The following ABR variants were observed in gnomAD, a reference collection of about 807,000 sequenced individuals.
The protein encoded by ABR is active breakpoint cluster region-related protein.
In ABR, 35 loss-of-function variants were observed where a neutral mutation model predicts 107.2. That is an observed-to-expected ratio of 0.33 (90% CI 0.25 to 0.43). The LOEUF is 0.43. Among genes scored for constraint, ABR ranks in the 20% least tolerant of loss-of-function variants. The pLI is 1.00. For missense variants in ABR, 815 were observed against 1,115.2 expected (o/e 0.73, Z 3.83); for synonymous variants, 498 against 462.0 (o/e 1.08, Z -1.00).
Position 1,129,107 on chromosome 17 carries a change from ATCT to A in ABR, c.62-3743_62-3741del, listed in dbSNP as rs931581701. On this transcript the variant is annotated intron_variant, in intron 1 of 22. Coordinates refer to ENST00000302538, the MANE Select transcript of ABR (RefSeq NM_021962.5). Reference sequence around the variant, plus strand: ...CGTCCTTCTCAGGCTCCTTGGTGAAATCTTCTTTCTCTACCCATCCCTTAAAAA... The same window carrying A: ...CGTCCTTCTCAGGCTCCTTGGTGAAATCTTTCTCTACCCATCCCTTAAAAA... Among the ~76,000 whole-genome samples, 4 of 152,204 alleles carry A rather than the reference ATCT, an allele frequency of 2.6e-5. 1 individual carries two copies. Among genetic ancestry groups the A allele is most frequent in the African/African-American group, 2.4e-5 (1 of 41,508 alleles).
At chr17:1,044,015 G>A (rs1424822782) in intron 16 of ABR, among the ~76,000 whole-genome samples, 1 of 152,238 alleles carries the variant, frequency 6.6e-6, no homozygotes, top group Non-Finnish European at 1.5e-5. Context: ...GGCCCCAAGG[G>A]AAAGCGCTCT....
chr17:1,026,649 G>T (rs947539972), intron 16 of ABR, among the ~76,000 whole-genome samples: 1 of 152,304 alleles, frequency 6.6e-6, no homozygotes, highest in Non-Finnish European at 1.5e-5. Flanking sequence ...CAGGACTGAC[G>T]CTGCGTTTCT....
chr17:1,009,260 G>A (rs1269318759), intron 21 of ABR, among the ~76,000 whole-genome samples: 1 of 76,200 alleles, frequency 1.3e-5, no homozygotes, highest in Non-Finnish European at 2.5e-5. Context: ...ACCCCCCACT[G>A]CTGTCCACCC....
intron 10 of ABR, among the ~76,000 whole-genome samples, chr17:1,059,327 C>A (rs1040578983): frequency 6.6e-6 from 1 of 152,230 alleles, no homozygotes; most frequent in Non-Finnish European, 1.5e-5. Flanking sequence ...TCTTTCCATT[C>A]CTGCCTCCTG....
intron 1 of ABR, among the ~76,000 whole-genome samples, chr17:1,226,613 GGT>G (rs963467355): frequency 4.0e-5 from 6 of 151,616 alleles, no homozygotes; most frequent in African/African-American, 7.3e-5. Flanking sequence ...TACATATGCA[GGT>G]GTGTGTGCAT....
At chr17:1,189,248 A>G (rs956244485), upstream of ABR, among the ~76,000 whole-genome samples, 1 of 152,180 alleles carries the variant, frequency 6.6e-6, no homozygotes, top group African/African-American at 2.4e-5. Context: ...ATTAGAGGAA[A>G]GAGTTTCCCA....
Position 1,004,840 on chromosome 17 carries a change from G to A in ABR, c.*1240C>T, listed in dbSNP as rs528385293. 5 of 393,016 alleles carry A rather than the reference G, an allele frequency of 1.3e-5. No individual in the cohort carries two copies. Among genetic ancestry groups the A allele is most frequent in the African/African-American group, 4.1e-5 (2 of 48,542 alleles). 24.3% of individuals were successfully genotyped at this position (393,016 alleles called of 1,614,324 possible). A position where few individuals can be genotyped will look rare whatever the true frequency, so the allele number is the denominator to read the frequency against. On this transcript the variant is annotated 3_prime_UTR_variant, in exon 23 of 23. Coordinates refer to ENST00000302538, the MANE Select transcript of ABR (RefSeq NM_021962.5). The stretch of plus-strand genomic sequence containing the variant: ...GGCGGCACCACAATGGCTGGCCACC[G>A]TGGGCCTGTGCCTTTGCTTCCCAGG...
Position 1,076,645 on chromosome 17 carries a change from C to T in ABR, c.700+2685G>A, listed in dbSNP as rs569204151. On this transcript the variant is annotated intron_variant, in intron 6 of 22. Transcript: ENST00000302538. ...GAGGGGTTATTAACATGTCTGTGGT[C>T]ACCTCCAGAGTCCACCTGAGTAAGG... Among the ~76,000 whole-genome samples, 54 of 149,016 alleles carry T rather than the reference C, an allele frequency of 3.6e-4. 1 individual carries two copies. In the South Asian group the frequency reaches 0.011, roughly 31 times the overall value.
chr17:1,206,659 G>A (rs1298587373), intron 1 of ABR, among the ~76,000 whole-genome samples: 1 of 152,204 alleles, frequency 6.6e-6, no homozygotes, highest in East Asian at 1.9e-4. Context: ...TGGCCAAGGT[G>A]GGTGGATTGC....
chr17:1,171,185 G>A (rs118168845), intron 1 of ABR, among the ~76,000 whole-genome samples: 1,585 of 152,332 alleles, frequency 0.01, 15 homozygotes, highest in Middle Eastern at 0.024. Context: ...AGGAGTAGAT[G>A]TTCCCAGCCA....
At chr17:1,053,905 C>A (rs917496603) in intron 14 of ABR, among the ~76,000 whole-genome samples, 4 of 152,254 alleles carry the variant, frequency 2.6e-5, no homozygotes, top group African/African-American at 9.6e-5. Context: ...AGCTCCTCAG[C>A]GGCAGCCCCC....
At position 1,207,916 on chromosome 17, in the gene ABR, G is replaced by A. The variant is rs952723253; in HGVS notation, c.838+20877C>T. ...TCCCGAGTAGCTGGGATTACAAGGC[G>A]CCTGCCACTGCACCAGCCTAATTTT... On this transcript the variant is annotated intron_variant, in intron 1 of 22. Transcript: ENST00000574139. 3.3e-5 allele frequency among the ~76,000 whole-genome samples: 5 copies of A among 151,738 alleles called. No homozygotes were observed. The East Asian group carries it at 6.0e-4, about 18-fold the overall frequency.
intron 4 of ABR, among the ~76,000 whole-genome samples, chr17:1,088,642 G>A (rs2036793858): frequency 6.6e-6 from 1 of 151,714 alleles, no homozygotes; most frequent in African/African-American, 2.4e-5. Flanking sequence ...CTGGAGTGGA[G>A]TGGCACGATC....
chr17:1,101,953 T>C (rs1162284950), intron 2 of ABR, among the ~76,000 whole-genome samples: 1 of 152,070 alleles, frequency 6.6e-6, no homozygotes, highest in Non-Finnish European at 1.5e-5. Context: ...CAGGATGGTC[T>C]CGATCTCCTG....
intron 2 of ABR, chr17:1,108,874 C>A (rs1051867709): frequency 2.7e-6 from 4 of 1,504,916 alleles, no homozygotes; most frequent in Non-Finnish European, 3.5e-6. Flanking sequence ...ATTTCTCCCG[C>A]GCACCTTCGG....
rs192671377 is a variant in ABR at position 1,172,467 on chromosome 17, T to C, written c.61+7200A>G. Reference sequence around the variant, plus strand: ...TGCCCTAAGAAATGCAAGCTACTCCTGGGCCGGGCACGGTGGCTCACACCT... The same window carrying C: ...TGCCCTAAGAAATGCAAGCTACTCCCGGGCCGGGCACGGTGGCTCACACCT... On this transcript the variant is annotated intron_variant, in intron 1 of 22. Coordinates refer to ENST00000302538, the MANE Select transcript of ABR (RefSeq NM_021962.5). 3.3e-3 allele frequency among the ~76,000 whole-genome samples: 505 copies of C among 152,200 alleles called. 1 individual carries two copies. The highest frequency in any genetic ancestry group is 5.8e-3 in the Non-Finnish European group (393 of 67,988).
At chr17:1,016,578 A>T (rs2071181927) in intron 16 of ABR, among the ~76,000 whole-genome samples, 2 of 152,018 alleles carry the variant, frequency 1.3e-5, no homozygotes, top group African/African-American at 4.8e-5. Flanking sequence ...GGCCTCCCAA[A>T]GTGCTGGGAT....
intron 18 of ABR, 48 bp downstream of exon 18, chr17:1,012,640 G>A (rs1409640040): frequency 1.3e-5 from 18 of 1,423,216 alleles, no homozygotes; most frequent in Non-Finnish European, 1.6e-5. Flanking sequence ...GGCTGGGGGG[G>A]ACCCGGGGCA....
At chr17:1,120,052 G>A (rs1022238924) in intron 2 of ABR, among the ~76,000 whole-genome samples, 3 of 152,082 alleles carry the variant, frequency 2.0e-5, no homozygotes, top group African/African-American at 7.2e-5. Flanking sequence ...GAACTACCAT[G>A]CCCAGCTAAT....
Sources: allele counts gnomAD v4.1 joint callset (sites outside exome capture counted in the v4.1 genomes callset), GRCh38; gene constraint gnomAD v4.1.1; transcripts MANE v1.5; gene names NCBI Gene and HGNC (gene_info 2026-07-23, HGNC 2026-07-21).